ABCA6: variants seen among roughly 807,000 people sequenced by gnomAD.
The protein encoded by ABCA6 is ATP-binding cassette sub-family A member 6.
ABCA6 carries 164 observed loss-of-function variants against 191.2 expected under a neutral mutation model. That is an observed-to-expected ratio of 0.86 (90% CI 0.76 to 0.98). The LOEUF is 0.98. ABCA6 is among the 50% of genes least tolerant of loss of function. The pLI, the probability that ABCA6 is intolerant of heterozygous loss-of-function variation, is 0.00. For synonymous variants in ABCA6, 636 were observed against 647.7 expected, an observed-to-expected ratio of 0.98 and a Z score of 0.27; for missense variants, 1,958 against 1,894.1, an observed-to-expected ratio of 1.03 and a Z score of -0.63.
At chr17:69,116,650 G>A (rs895112614) in intron 11 of ABCA6, among the ~76,000 whole-genome samples, 2 of 152,052 alleles carry the variant, frequency 1.3e-5, no homozygotes, top group Admixed American at 6.6e-5. Context: ...TAAGTTAGTC[G>A]TGGTATCCAT....
At chr17:69,131,679 T>C (rs192545719) in intron 6 of ABCA6, among the ~76,000 whole-genome samples, 1 of 152,338 alleles carries the variant, frequency 6.6e-6, no homozygotes, top group East Asian at 1.9e-4. Flanking sequence ...TTCCACTAGA[T>C]AGCCTGCACT....
chr17:69,102,741 A>G, intron 21 of ABCA6, 94 bp downstream of exon 21: 1 of 1,224,820 alleles, frequency 8.2e-7, no homozygotes, highest in Non-Finnish European at 1.1e-6. Context: ...TTCTGAGTCA[A>G]GTTTCTGTAT....
Position 69,082,896 on chromosome 17 carries a change from G to GA in ABCA6, c.4592dup (p.Gln1533ThrfsTer15). 8.7e-6 allele frequency: 14 copies of GA among 1,614,150 alleles called. No individual in the cohort carries two copies. The highest frequency in any genetic ancestry group is 1.2e-5 in the Non-Finnish European group (14 of 1,180,012). On this transcript the variant is annotated frameshift_variant, in exon 36 of 39. Coordinates refer to ENST00000284425, the MANE Select transcript of ABCA6 (RefSeq NM_080284.3). LOFTEE classifies it high-confidence loss of function. The stretch of plus-strand genomic sequence containing the variant: ...ACCTTTCCTGCCCTGCAGCCTGTGG[G>GA]AAAAGCTTCAGAATCTCAGTGTGGA...
intron 37 of ABCA6, 129 bp from the exon 38 acceptor site, chr17:69,079,394 T>G (rs973373084): frequency 3.5e-6 from 2 of 576,166 alleles, no homozygotes; most frequent in African/African-American, 1.9e-5. Flanking sequence ...CAATGCTTGA[T>G]GTAAGGATGA....
chr17:69,115,708 T>A (rs925900009), intron 11 of ABCA6: 8 of 344,802 alleles, frequency 2.3e-5, no homozygotes, highest in African/African-American at 1.5e-4. Context: ...CAGGATATAG[T>A]GACCAATGGA....
chr17:69,134,780 A>C (rs781574178), intron 4 of ABCA6, 38 bp from the exon 5 acceptor site: 2 of 1,387,482 alleles, frequency 1.4e-6, no homozygotes, highest in South Asian at 2.3e-5. Context: ...ACATTATGGG[A>C]CGAGGGCAGT....
At position 69,128,361 on chromosome 17, in the gene ABCA6, T is replaced by C. The variant is rs1452525871; in HGVS notation, c.1119+258A>G. Among the ~76,000 whole-genome samples, 6 of 152,056 alleles carry C rather than the reference T, an allele frequency of 3.9e-5. 1 individual carries two copies. In the South Asian group the frequency reaches 1.0e-3, roughly 26 times the overall value. On this transcript the variant is annotated intron_variant, in intron 8 of 38. Coordinates refer to ENST00000284425, the MANE Select transcript of ABCA6 (RefSeq NM_080284.3). ...ATAGTAATAAAAGTAAATATTTGTA[T>C]ATAGGAAAAAAACCTAGAAGAAAAT...
At chr17:69,108,471 G>A (rs530057013) in intron 17 of ABCA6, 6 of 152,234 alleles carry the variant, frequency 3.9e-5, no homozygotes, top group South Asian at 2.1e-4. Context: ...GAAAAATTTT[G>A]TGTATTTTGT....
intron 4 of ABCA6, chr17:69,135,114 C>T: frequency 4.7e-6 from 1 of 211,612 alleles, no homozygotes; most frequent in Non-Finnish European, 9.3e-6. Flanking sequence ...CTCCTGACCT[C>T]AGGTGATCCG....
At chr17:69,115,886 T>C (rs1490047021) in intron 11 of ABCA6, 2 of 152,136 alleles carry the variant, frequency 1.3e-5, no homozygotes, top group Admixed American at 1.3e-4. Flanking sequence ...TGTTACAGGA[T>C]CTCATTCTGC....
At chr17:69,091,378 T>C in intron 25 of ABCA6, 116 bp from the exon 26 acceptor site, 3 of 1,097,726 alleles carry the variant, frequency 2.7e-6, no homozygotes, top group East Asian at 2.6e-5. Flanking sequence ...CATATGCAGA[T>C]ATACCCATTT....
intron 27 of ABCA6, among the ~76,000 whole-genome samples, chr17:69,089,239 G>A (rs2072872962): frequency 6.6e-6 from 1 of 152,128 alleles, no homozygotes; most frequent in Non-Finnish European, 1.5e-5. Context: ...CAGTAAACAG[G>A]ATAAGCAAAC....
chr17:69,091,362 T>C (rs1341854021), intron 25 of ABCA6, 100 bp from the exon 26 acceptor site: 4 of 1,283,032 alleles, frequency 3.1e-6, no homozygotes, highest in African/African-American at 1.5e-5. Flanking sequence ...TATATCATAA[T>C]GTTCCCATAT....
At chr17:69,098,625 C>CAAAAAAAAAAAAAAAAAAAAAA (rs59031335) in intron 22 of ABCA6, 1 of 46,350 alleles carries the variant, frequency 2.2e-5, no homozygotes, top group Non-Finnish European at 4.0e-5. Context: ...AACTCGGTCT[C>CAAAAAAAAAAAAAAAAAAAAAA]AAAAAAAAAA....
At chr17:69,123,954 G>T (rs2073699812) in intron 9 of ABCA6, among the ~76,000 whole-genome samples, 1 of 151,964 alleles carries the variant, frequency 6.6e-6, no homozygotes, top group Non-Finnish European at 1.5e-5. Context: ...TTAGGAGAAT[G>T]AATGAAACCA....
At chr17:69,096,832 G>A in intron 23 of ABCA6, 31 bp from the exon 24 acceptor site, 3 of 1,462,280 alleles carry the variant, frequency 2.1e-6, no homozygotes, top group East Asian at 2.6e-5. Flanking sequence ...AGAAAGAAAT[G>A]TATATAGATT....
At chr17:69,084,612 T>C in intron 32 of ABCA6, 105 bp from the exon 33 acceptor site, 3 of 1,017,970 alleles carry the variant, frequency 2.9e-6, no homozygotes, top group Non-Finnish European at 4.4e-6. Context: ...AATATTATTG[T>C]CAAAATCCTA....
At chr17:69,094,964 A>G (rs2144632357) in intron 25 of ABCA6, 1 of 153,062 alleles carries the variant, frequency 6.5e-6, no homozygotes. Context: ...ACCCATGCGC[A>G]ACCACGCTGG....
chr17:69,107,940 T>G, intron 17 of ABCA6, 128 bp from the exon 18 acceptor site: 1 of 615,692 alleles, frequency 1.6e-6, no homozygotes, highest in East Asian at 3.2e-5. Flanking sequence ...AGTATCACAG[T>G]AGTCAAAAGC....
Sources: gnomAD v4.1 joint callset for allele counts (sites outside exome capture counted in the v4.1 genomes callset) on GRCh38, gnomAD v4.1.1 for gene constraint, MANE v1.5 for transcripts, NCBI Gene and HGNC (gene_info 2026-07-23, HGNC 2026-07-21) for gene names.